SDK1: variants seen among roughly 807,000 people sequenced by gnomAD.
SDK1 encodes protein sidekick-1.
In SDK1, 157 loss-of-function variants were observed where a neutral mutation model predicts 245.5. That is an observed-to-expected ratio of 0.64 (90% CI 0.56 to 0.73). SDK1 has a LOEUF of 0.73. Among genes scored for constraint, SDK1 ranks in the 30% least tolerant of loss-of-function variants. The pLI, the probability that SDK1 is intolerant of heterozygous loss-of-function variation, is 0.00. For synonymous variants in SDK1, 1,647 were observed against 1,278.5 expected, an observed-to-expected ratio of 1.29 and a Z score of -6.15; for missense variants, 3,583 against 3,002.3, an observed-to-expected ratio of 1.19 and a Z score of -4.52.
At chr7:3,925,636 G>A (rs571681457) in intron 5 of SDK1, among the ~76,000 whole-genome samples, 42 of 152,322 alleles carry the variant, frequency 2.8e-4, no homozygotes, top group African/African-American at 8.9e-4. Flanking sequence ...CCCTGCAGTG[G>A]GCAGGCAGCA....
chr7:3,367,909 G>C (rs1352012204), intron 1 of SDK1, among the ~76,000 whole-genome samples: 2 of 152,180 alleles, frequency 1.3e-5, no homozygotes, highest in Non-Finnish European at 2.9e-5. Context: ...TAGAAACTTA[G>C]AATAAACCAG....
chr7:3,791,344 T>C (rs1390023756), intron 4 of SDK1, among the ~76,000 whole-genome samples: 1 of 152,128 alleles, frequency 6.6e-6, no homozygotes, highest in Non-Finnish European at 1.5e-5. Context: ...TTTTGAATTA[T>C]TTAGGTATCG....
At chr7:3,556,890 C>T (rs1380297227) in intron 1 of SDK1, among the ~76,000 whole-genome samples, 1 of 152,036 alleles carries the variant, frequency 6.6e-6, no homozygotes, top group Non-Finnish European at 1.5e-5. Context: ...TACCCATACC[C>T]CGTTTACCCT....
chr7:3,911,834 C>T (rs1212588556), intron 5 of SDK1, among the ~76,000 whole-genome samples: 1 of 152,132 alleles, frequency 6.6e-6, no homozygotes, highest in Non-Finnish European at 1.5e-5. Flanking sequence ...ATAAATTTCC[C>T]TCAGTAGTGA....
intron 7 of SDK1, among the ~76,000 whole-genome samples, chr7:3,957,624 A>G (rs1781379538): frequency 6.6e-6 from 1 of 152,216 alleles, no homozygotes; most frequent in African/African-American, 2.4e-5. Context: ...TGATGAATAC[A>G]GGTCAGGACC....
At chr7:3,619,335 G>T in intron 2 of SDK1, 96 bp downstream of exon 2, 2 of 1,023,240 alleles carry the variant, frequency 2.0e-6, no homozygotes, top group South Asian at 1.9e-5. Context: ...TGAAAATATT[G>T]GATTGAATTT....
chr7:3,588,287 A>G, intron 1 of SDK1, among the ~76,000 whole-genome samples: 1 of 152,244 alleles, frequency 6.6e-6, no homozygotes, highest in East Asian at 1.9e-4. Context: ...TAATAACGTT[A>G]TATTTTCAGA....
chr7:4,175,662 G>C lies in SDK1; in HGVS notation c.4937-113G>C, dbSNP rs920755398. On this transcript the variant is annotated intron_variant, in intron 33 of 44. Coordinates refer to ENST00000404826, the MANE Select transcript of SDK1 (RefSeq NM_152744.4). ...TATTGCCCCGGGAGGCGCAGCGTGG[G>C]AAGTGGCTGGCATCCCAGTAAGGCA... 9 of 876,788 alleles carry C rather than the reference G, an allele frequency of 1.0e-5. No homozygotes were observed. The African/African-American group carries it at 1.1e-4, about 11-fold the overall frequency. The allele number at this position is 876,788 out of a possible 1,614,324, so 54.3% of individuals were successfully genotyped here.
intron 4 of SDK1, among the ~76,000 whole-genome samples, chr7:3,705,481 ATTTTATTTTATT>A (rs1784859077): frequency 9.0e-6 from 1 of 110,932 alleles, no homozygotes; most frequent in African/African-American, 4.9e-5. Context: ...ATTTTATTTT[ATTTTATTTTATT>A]TTTTATTTTA....
chr7:4,104,874 T>C (rs956707233), intron 22 of SDK1, among the ~76,000 whole-genome samples: 1 of 151,814 alleles, frequency 6.6e-6, no homozygotes, highest in Non-Finnish European at 1.5e-5. Flanking sequence ...GCTAATTTTT[T>C]TTTTAATTAT....
intron 1 of SDK1, among the ~76,000 whole-genome samples, chr7:3,558,330 C>G (rs947655198): frequency 6.6e-6 from 1 of 152,232 alleles, no homozygotes. Flanking sequence ...TTATTTCCAT[C>G]TCATACTTTC....
chr7:3,446,352 G>A (rs1173454418), intron 1 of SDK1, among the ~76,000 whole-genome samples: 1 of 152,142 alleles, frequency 6.6e-6, no homozygotes, highest in Non-Finnish European at 1.5e-5. Flanking sequence ...GTTAAGGTAT[G>A]AACCAAGGCT....
At chr7:4,186,060 C>T (rs1276033127) in intron 35 of SDK1, among the ~76,000 whole-genome samples, 1 of 152,246 alleles carries the variant, frequency 6.6e-6, no homozygotes, top group African/African-American at 2.4e-5. Flanking sequence ...TGCTCTGCAA[C>T]TACTGTCCTT....
intron 1 of SDK1, among the ~76,000 whole-genome samples, chr7:3,503,501 G>A (rs1315419747): frequency 6.6e-6 from 1 of 151,970 alleles, no homozygotes; most frequent in East Asian, 1.9e-4. Flanking sequence ...AATATAGTGA[G>A]AACCTTCCTC....
intron 22 of SDK1, among the ~76,000 whole-genome samples, chr7:4,107,980 C>G (rs1210001374): frequency 2.0e-5 from 3 of 152,194 alleles, no homozygotes; most frequent in African/African-American, 7.2e-5. Flanking sequence ...CTCCGGCTTC[C>G]TAGCTTATGG....
At chr7:3,779,478 C>G (rs552564677) in intron 4 of SDK1, among the ~76,000 whole-genome samples, 1 of 151,190 alleles carries the variant, frequency 6.6e-6, no homozygotes, top group African/African-American at 2.4e-5. Context: ...AAAACAAGGA[C>G]AAATTTAACC....
At chr7:3,679,392 C>A (rs1784026410) in intron 4 of SDK1, among the ~76,000 whole-genome samples, 1 of 152,082 alleles carries the variant, frequency 6.6e-6, no homozygotes, top group Non-Finnish European at 1.5e-5. Flanking sequence ...TGGTGAAACC[C>A]CGTCTCTACT....
chr7:3,576,949 A>G (rs1243206848), intron 1 of SDK1, among the ~76,000 whole-genome samples: 4 of 151,958 alleles, frequency 2.6e-5, no homozygotes, highest in African/African-American at 9.7e-5. Flanking sequence ...GAAATAGTAG[A>G]CTTTTGATGT....
At chr7:3,502,883 C>T (rs1782264482) in intron 1 of SDK1, among the ~76,000 whole-genome samples, 1 of 152,070 alleles carries the variant, frequency 6.6e-6, no homozygotes, top group Non-Finnish European at 1.5e-5. Flanking sequence ...ACATACTTTT[C>T]TTGGCCATAA....
Sources: gnomAD v4.1 joint callset for allele counts (sites outside exome capture counted in the v4.1 genomes callset) on GRCh38, gnomAD v4.1.1 for gene constraint, MANE v1.5 for transcripts, NCBI Gene and HGNC (gene_info 2026-07-23, HGNC 2026-07-21) for gene names.